The following KCNG3 variants were observed in gnomAD, a reference collection of about 807,000 sequenced individuals.
The protein encoded by KCNG3 is voltage-gated potassium channel regulatory subunit KCNG3.
A neutral mutation model predicts 29.0 loss-of-function variants in KCNG3; 15 were observed. The ratio of observed to expected loss-of-function variants is 0.52; its 90% confidence interval spans 0.35 to 0.80. The LOEUF (loss-of-function observed/expected upper bound fraction) is 0.80, where lower values mean the gene tolerates loss of function less well. KCNG3 is among the 30% of genes least tolerant of loss of function. The pLI is 0.01. For missense variants in KCNG3, 512 were observed against 605.7 expected (o/e 0.85, Z 1.62); for synonymous variants, 322 against 248.9 (o/e 1.29, Z -2.76).
At chr2:42,411,607 C>T in the KCNG3 span, among the ~76,000 whole-genome samples, 3 of 152,122 alleles carry the variant, frequency 2.0e-5, no homozygotes, top group Admixed American at 1.3e-4. Flanking sequence ...CTCAGCCTCC[C>T]TAGTAGCTGG....
chr2:42,394,237 C>T, the KCNG3 span, among the ~76,000 whole-genome samples: 1 of 152,108 alleles, frequency 6.6e-6, no homozygotes, highest in Non-Finnish European at 1.5e-5. Context: ...CTCTTTATTC[C>T]AAGTGATAAG....
chr2:42,392,320 T>C, the KCNG3 span, among the ~76,000 whole-genome samples: 1 of 152,090 alleles, frequency 6.6e-6, no homozygotes, highest in Non-Finnish European at 1.5e-5. Flanking sequence ...TGCTTCTCCT[T>C]GGCCCTTTGC....
chr2:42,412,884 C>T, the KCNG3 span, among the ~76,000 whole-genome samples: 3 of 151,960 alleles, frequency 2.0e-5, no homozygotes, highest in African/African-American at 7.3e-5. Flanking sequence ...TTTTCCATTC[C>T]TTTATTTTTA....
intron 1 of KCNG3, among the ~76,000 whole-genome samples, chr2:42,479,103 T>A (rs936812401): frequency 6.6e-6 from 1 of 152,116 alleles, no homozygotes; most frequent in African/African-American, 2.4e-5. Context: ...CGTTTTGGAT[T>A]TTCAGATTTG....
downstream of KCNG3, among the ~76,000 whole-genome samples, chr2:42,441,222 A>G (rs1672473227): frequency 6.6e-6 from 1 of 151,694 alleles, no homozygotes; most frequent in African/African-American, 2.4e-5. Context: ...TCTCTACAAA[A>G]AAATAAAAAT....
chr2:42,465,234 T>G (rs546457554), intron 1 of KCNG3, among the ~76,000 whole-genome samples: 1 of 151,804 alleles, frequency 6.6e-6, no homozygotes, highest in African/African-American at 2.4e-5. Context: ...TTTTTTTTTT[T>G]GAAACAGGGT....
At chr2:42,486,878 G>C (rs1318674749) in intron 1 of KCNG3, among the ~76,000 whole-genome samples, 2 of 152,120 alleles carry the variant, frequency 1.3e-5, no homozygotes, top group Non-Finnish European at 2.9e-5. Flanking sequence ...ACAATTATTG[G>C]TCTGGCACGG....
chr2:42,396,843 A>G, the KCNG3 span, among the ~76,000 whole-genome samples: 1 of 152,240 alleles, frequency 6.6e-6, no homozygotes, highest in East Asian at 1.9e-4. Context: ...TTATGTTTAC[A>G]CAAGTCACTC....
intron 1 of KCNG3, among the ~76,000 whole-genome samples, chr2:42,490,938 CG>C (rs1558391875): frequency 6.6e-6 from 1 of 152,160 alleles, no homozygotes; most frequent in Non-Finnish European, 1.5e-5. Flanking sequence ...CATCCTCATT[CG>C]GCCATCCTGC....
the KCNG3 span, among the ~76,000 whole-genome samples, chr2:42,423,499 A>G: frequency 7.4e-4 from 113 of 152,156 alleles, no homozygotes; most frequent in Non-Finnish European, 1.4e-3. Flanking sequence ...TACCCAACCA[A>G]GTGCAACTGC....
the KCNG3 span, among the ~76,000 whole-genome samples, chr2:42,400,845 A>G: frequency 6.6e-6 from 1 of 152,112 alleles, no homozygotes; most frequent in Non-Finnish European, 1.5e-5. Context: ...TTTTTAAAGG[A>G]AGTTGGAAAC....
chr2:42,468,216 G>C (rs1223947493), intron 1 of KCNG3, among the ~76,000 whole-genome samples: 4 of 152,124 alleles, frequency 2.6e-5, no homozygotes, highest in Non-Finnish European at 5.9e-5. Context: ...TATTATAAAG[G>C]TTGCAAAGAC....
the KCNG3 span, among the ~76,000 whole-genome samples, chr2:42,431,733 T>C: frequency 6.6e-6 from 1 of 152,286 alleles, no homozygotes; most frequent in African/African-American, 2.4e-5. Flanking sequence ...GATGATGAAT[T>C]ACATTAAAAA....
At chr2:42,434,009 G>T in the KCNG3 span, among the ~76,000 whole-genome samples, 1 of 152,024 alleles carries the variant, frequency 6.6e-6, no homozygotes, top group Non-Finnish European at 1.5e-5. Context: ...TAAGTGAATC[G>T]AAAGGCACCT....
the KCNG3 span, among the ~76,000 whole-genome samples, chr2:42,418,884 C>G: frequency 6.6e-6 from 1 of 152,134 alleles, no homozygotes; most frequent in Admixed American, 6.5e-5. Context: ...ACATAATATT[C>G]ACTTTTTTCT....
chr2:42,450,959 C>T (rs1484108583), intron 1 of KCNG3, among the ~76,000 whole-genome samples: 2 of 152,140 alleles, frequency 1.3e-5, no homozygotes, highest in Non-Finnish European at 2.9e-5. Context: ...AATCCTAGCA[C>T]TTTGGGAGGC....
chr2:42,463,976 C>T (rs1407108999), intron 1 of KCNG3: 3 of 314,892 alleles, frequency 9.5e-6, no homozygotes, highest in Admixed American at 3.4e-5. Context: ...CCAAGATCAG[C>T]GTACGTGGGA....
At chr2:42,477,990 T>C (rs1483689905) in intron 1 of KCNG3, among the ~76,000 whole-genome samples, 1 of 151,964 alleles carries the variant, frequency 6.6e-6, no homozygotes, top group African/African-American at 2.4e-5. Flanking sequence ...GAGGAGTGTT[T>C]TTCGTTTGTA....
rs1491142499 is a variant in KCNG3, at chr2:42,476,498, AAT to A, written c.665+16337_665+16338del. Among the ~76,000 whole-genome samples, 133 of 151,736 alleles carry A rather than the reference AAT, an allele frequency of 8.8e-4. 1 individual carries two copies. The highest frequency in any genetic ancestry group is 4.2e-3 in the South Asian group (20 of 4,790). On this transcript the variant is annotated intron_variant, in intron 1 of 1. Coordinates refer to ENST00000306078, the MANE Select transcript of KCNG3 (RefSeq NM_133329.6). ...CTCAATAAAAATTTAAAAAAAAAAA[AAT>A]TTTTGAGACAGAATCTTGCTCTGTC...
Sources: allele counts gnomAD v4.1 joint callset (sites outside exome capture counted in the v4.1 genomes callset), GRCh38; gene constraint gnomAD v4.1.1; transcripts MANE v1.5; gene names NCBI Gene and HGNC (gene_info 2026-07-23, HGNC 2026-07-21).